ADARB2: variants seen among roughly 807,000 people sequenced by gnomAD.
The protein encoded by ADARB2 is inactive double-stranded RNA-specific editase B2.
A neutral mutation model predicts 62.2 loss-of-function variants in ADARB2; 25 were observed. The observed-to-expected ratio is 0.40, with a 90% CI of 0.29 to 0.56. The LOEUF is 0.56. ADARB2 is among the 20% of genes least tolerant of loss of function. The pLI, the probability that ADARB2 is intolerant of heterozygous loss-of-function variation, is 0.43. For synonymous variants in ADARB2, 572 were observed against 500.8 expected (o/e 1.14, Z -1.90); for missense variants, 1,071 against 1,077.4 (o/e 0.99, Z 0.08).
chr10:1,715,050 G>A (rs1406587836), intron 1 of ADARB2, among the ~76,000 whole-genome samples: 8 of 141,048 alleles, frequency 5.7e-5, no homozygotes, highest in Non-Finnish European at 1.2e-4. Flanking sequence ...CCCAACAAGG[G>A]GCTTTTATCA....
At chr10:1,496,800 C>T (rs1424675032) in intron 1 of ADARB2, among the ~76,000 whole-genome samples, 1 of 152,150 alleles carries the variant, frequency 6.6e-6, no homozygotes, top group Non-Finnish European at 1.5e-5. Context: ...ATCATCATCA[C>T]CAACATTGTC....
chr10:1,503,817 C>T (rs1302708821), intron 1 of ADARB2, among the ~76,000 whole-genome samples: 2 of 152,114 alleles, frequency 1.3e-5, no homozygotes, highest in African/African-American at 4.8e-5. Context: ...CTTGCTCCTA[C>T]TCTGCCATGT....
intron 1 of ADARB2, among the ~76,000 whole-genome samples, chr10:1,598,843 G>C (rs1246786233): frequency 6.6e-6 from 1 of 152,234 alleles, no homozygotes. Flanking sequence ...CCCAGGCAGG[G>C]ATCTCACAGC....
intron 1 of ADARB2, among the ~76,000 whole-genome samples, chr10:1,563,199 T>G (rs1832810446): frequency 6.6e-6 from 1 of 152,032 alleles, no homozygotes; most frequent in Admixed American, 6.5e-5. Context: ...GTGGTCCCTC[T>G]AAGGTGCTGA....
chr10:1,300,652 T>A (rs1831565109), intron 3 of ADARB2, among the ~76,000 whole-genome samples: 1 of 152,248 alleles, frequency 6.6e-6, no homozygotes, highest in Admixed American at 6.5e-5. Context: ...TTCCTCATTT[T>A]AAAATTCCTC....
intron 1 of ADARB2, among the ~76,000 whole-genome samples, chr10:1,457,184 A>C (rs929426504): frequency 6.6e-6 from 1 of 152,250 alleles, no homozygotes; most frequent in Non-Finnish European, 1.5e-5. Context: ...GGAAATCTTC[A>C]GAGAATAATT....
chr10:1,615,629 T>A (rs1471308133), intron 1 of ADARB2, among the ~76,000 whole-genome samples: 2 of 152,208 alleles, frequency 1.3e-5, no homozygotes, highest in Non-Finnish European at 2.9e-5. Context: ...GAAGGATGTG[T>A]TTCTTCCACC....
intron 4 of ADARB2, among the ~76,000 whole-genome samples, chr10:1,245,081 C>T (rs1018477443): frequency 6.6e-6 from 1 of 151,978 alleles, no homozygotes; most frequent in Non-Finnish European, 1.5e-5. Context: ...CTGGGTTGCA[C>T]AGGAGGAGAG....
chr10:1,616,139 T>C (rs1479321544), intron 1 of ADARB2, among the ~76,000 whole-genome samples: 2 of 152,214 alleles, frequency 1.3e-5, no homozygotes, highest in African/African-American at 4.8e-5. Flanking sequence ...TGTTGACTAA[T>C]TATACTTTTT....
At chr10:1,217,870 A>T (rs1300404502) in intron 6 of ADARB2, among the ~76,000 whole-genome samples, 2 of 151,998 alleles carry the variant, frequency 1.3e-5, no homozygotes, top group African/African-American at 4.8e-5. Flanking sequence ...CAGGCCCAGA[A>T]GTGACGGAGC....
intron 7 of ADARB2, among the ~76,000 whole-genome samples, chr10:1,207,006 A>G (rs981428264): frequency 2.3e-4 from 35 of 152,280 alleles, no homozygotes; most frequent in African/African-American, 7.7e-4. Flanking sequence ...TTTATATTTG[A>G]TAAGTGTTAG....
At chr10:1,187,635 G>C (rs577370667) in intron 8 of ADARB2, among the ~76,000 whole-genome samples, 5 of 152,234 alleles carry the variant, frequency 3.3e-5, no homozygotes, top group African/African-American at 9.6e-5. Flanking sequence ...GCCAGCTGCC[G>C]TCTGACGGGG....
intron 1 of ADARB2, among the ~76,000 whole-genome samples, chr10:1,495,029 T>C (rs1564307611): frequency 6.6e-6 from 1 of 152,226 alleles, no homozygotes; most frequent in African/African-American, 2.4e-5. Context: ...TTTATATATA[T>C]GTTTTAGTAG....
chr10:1,418,268 C>T (rs1832822010), intron 1 of ADARB2, among the ~76,000 whole-genome samples: 1 of 152,322 alleles, frequency 6.6e-6, no homozygotes, highest in African/African-American at 2.4e-5. Context: ...CGGCTATGAG[C>T]ACCCCTGGAG....
chr10:1,258,360 T>C (rs1443626040), intron 4 of ADARB2, among the ~76,000 whole-genome samples: 1 of 152,090 alleles, frequency 6.6e-6, no homozygotes, highest in Admixed American at 6.6e-5. Flanking sequence ...AGGCACAGAC[T>C]GGCAAATTGG....
intron 1 of ADARB2, among the ~76,000 whole-genome samples, chr10:1,455,536 G>A (rs1387460826): frequency 6.6e-6 from 1 of 152,188 alleles, no homozygotes; most frequent in African/African-American, 2.4e-5. Context: ...GGAAAGTTAA[G>A]CTCTGGCCAG....
rs538513736 is a variant in ADARB2, at chr10:1,377,049, C to T, written c.187+2025G>A. ...CCTGGGGTGTGTGTGTGCGCATGTG[C>T]TTGTGTGCTCCTGGGGTGTGTGTGC... On this transcript the variant is annotated intron_variant, in intron 2 of 9. Transcript: ENST00000381312. Among the ~76,000 whole-genome samples the T allele has an allele frequency of 2.7e-5, 3 of 111,068 alleles. No homozygotes were observed. The East Asian group carries it at 8.8e-4, about 33-fold the overall frequency. The allele number at this position is 111,068 out of a possible 152,430, so 72.9% of individuals were successfully genotyped here.
chr10:1,733,421 A>G (rs1477786626), intron 1 of ADARB2, among the ~76,000 whole-genome samples: 1 of 150,482 alleles, frequency 6.6e-6, no homozygotes, highest in Non-Finnish European at 1.5e-5. Context: ...AGAAAAAAAA[A>G]TACATTCACA....
At chr10:1,386,374 T>G (rs1832525269) in intron 1 of ADARB2, among the ~76,000 whole-genome samples, 1 of 152,016 alleles carries the variant, frequency 6.6e-6, no homozygotes, top group Non-Finnish European at 1.5e-5. Context: ...GCAGAGATAT[T>G]CAAATTGTAT....
Sources: allele counts gnomAD v4.1 joint callset (sites outside exome capture counted in the v4.1 genomes callset), GRCh38; gene constraint gnomAD v4.1.1; transcripts MANE v1.5; gene names NCBI Gene and HGNC (gene_info 2026-07-23, HGNC 2026-07-21).